HIP1: variants seen among roughly 807,000 people sequenced by gnomAD.
The protein encoded by HIP1 is huntingtin interacting protein 1.
In HIP1, 65 loss-of-function variants were observed where a neutral mutation model predicts 147.6. The observed-to-expected ratio is 0.44, with a 90% CI of 0.36 to 0.54. The LOEUF (loss-of-function observed/expected upper bound fraction) is 0.54, where lower values mean the gene tolerates loss of function less well. HIP1 is among the 20% of genes least tolerant of loss of function. The pLI, the probability that HIP1 is intolerant of heterozygous loss-of-function variation, is 0.00. For synonymous variants in HIP1, 479 were observed against 504.0 expected (o/e 0.95, Z 0.67); for missense variants, 1,061 against 1,299.6 (o/e 0.82, Z 2.82).
At chr7:75,635,648 A>G (rs1798400518) in intron 1 of HIP1, among the ~76,000 whole-genome samples, 1 of 151,980 alleles carries the variant, frequency 6.6e-6, no homozygotes, top group South Asian at 2.1e-4. Flanking sequence ...CTATGCCTTA[A>G]AAGGATTATT....
chr7:75,700,582 T>C (rs1308489479), intron 1 of HIP1, among the ~76,000 whole-genome samples: 1 of 152,120 alleles, frequency 6.6e-6, no homozygotes, highest in Non-Finnish European at 1.5e-5. Context: ...GCTGGTTAAC[T>C]GACATGGAGC....
Position 75,568,256 on chromosome 7 carries a change from C to T in HIP1, c.746G>A (p.Cys249Tyr), listed in dbSNP as rs1554495947. Reference protein sequence around the residue: ...TVKLLFKLHSCLPADTLQGHR... With the variant: ...TVKLLFKLHSYLPADTLQGHR... The stretch of plus-strand genomic sequence containing the variant: ...GCCTTGCAGGGTGTCAGCTGGGAGG[C>T]CTGGAAGAAATTGGAAAGAGTGTGA... The change falls in exon 9 of 31, where the codon TGC becomes TAC. Residue 249 changes from cysteine to tyrosine, a missense_variant and splice_region_variant. Transcript: ENST00000336926. The surrounding 1 kb of genome is among the most constrained non-coding windows in gnomAD (Gnocchi z 4.1). The T allele has an allele frequency of 1.9e-6, 3 of 1,611,360 alleles. No individual in the cohort carries two copies. Among genetic ancestry groups the T allele is most frequent in the Middle Eastern group, 1.7e-4 (1 of 6,056 alleles).
chr7:75,599,375 C>G (rs587748862), intron 1 of HIP1, 128 bp from the exon 2 acceptor site: 2 of 723,448 alleles, frequency 2.8e-6, no homozygotes, highest in East Asian at 5.2e-5. Context: ...CACGGGTGGT[C>G]GGTTCCTCTG....
intron 16 of HIP1, among the ~76,000 whole-genome samples, chr7:75,557,234 T>C (rs1795044280): frequency 6.6e-6 from 1 of 151,836 alleles, no homozygotes; most frequent in Non-Finnish European, 1.5e-5. Flanking sequence ...AGATGGGGTT[T>C]CACCATATTG....
chr7:75,645,038 A>G (rs1186070066), intron 1 of HIP1, among the ~76,000 whole-genome samples: 1 of 152,120 alleles, frequency 6.6e-6, no homozygotes, highest in Non-Finnish European at 1.5e-5. Context: ...TTAGTTCAGG[A>G]CACCTGAAAG....
intron 1 of HIP1, among the ~76,000 whole-genome samples, chr7:75,689,633 C>T (rs1267333683): frequency 2.0e-5 from 3 of 152,102 alleles, no homozygotes; most frequent in Non-Finnish European, 4.4e-5. Context: ...GTTGGCTGTG[C>T]CGTGGCATTC....
intron 1 of HIP1, among the ~76,000 whole-genome samples, chr7:75,711,685 C>T (rs1054366009): frequency 2.0e-5 from 3 of 152,168 alleles, no homozygotes; most frequent in Non-Finnish European, 2.9e-5. Context: ...GAGGGGAAGC[C>T]GTCTGGCTCC....
At chr7:75,683,701 C>T (rs1003667353) in intron 1 of HIP1, among the ~76,000 whole-genome samples, 2 of 152,224 alleles carry the variant, frequency 1.3e-5, no homozygotes, top group African/African-American at 4.8e-5. Flanking sequence ...CCATCCCTCC[C>T]CATCCTTGCC....
At chr7:75,686,843 C>CTTTTTTTTT (rs55942242) in intron 1 of HIP1, among the ~76,000 whole-genome samples, 9 of 80,138 alleles carry the variant, frequency 1.1e-4, no homozygotes, top group Admixed American at 1.7e-4. Context: ...TATTTTAGTT[C>CTTTTTTTTT]TTTTTTTTTT....
intron 1 of HIP1, chr7:75,654,614 G>A (rs1032240068): frequency 6.6e-6 from 1 of 152,158 alleles, no homozygotes; most frequent in Admixed American, 6.6e-5. Context: ...AGAGGAATAC[G>A]GGGAGGTGAC....
intron 1 of HIP1, among the ~76,000 whole-genome samples, chr7:75,727,898 T>C (rs1204457902): frequency 6.6e-6 from 1 of 151,020 alleles, no homozygotes; most frequent in East Asian, 1.9e-4. Flanking sequence ...CTTTTCTAAG[T>C]CACACATATC....
intron 2 of HIP1, among the ~76,000 whole-genome samples, chr7:75,595,239 T>TTC (rs1796668107): frequency 7.2e-5 from 8 of 110,790 alleles, no homozygotes; most frequent in East Asian, 2.4e-4. Context: ...TTTCTTTCTT[T>TTC]CTTTCTTTCT....
At chr7:75,649,863 C>T (rs1181863493) in intron 1 of HIP1, among the ~76,000 whole-genome samples, 2 of 152,122 alleles carry the variant, frequency 1.3e-5, no homozygotes, top group Non-Finnish European at 2.9e-5. Flanking sequence ...TCAGCATAGG[C>T]GGAGACCTCT....
At chr7:75,646,338 C>T (rs568674331) in intron 1 of HIP1, among the ~76,000 whole-genome samples, 3 of 152,320 alleles carry the variant, frequency 2.0e-5, no homozygotes, top group East Asian at 1.9e-4. Flanking sequence ...CCACTCATCT[C>T]GGCCTCCCAA....
intron 1 of HIP1, among the ~76,000 whole-genome samples, chr7:75,706,473 C>CTTTTTTTTTTTTTTTTT (rs139655610): frequency 2.2e-5 from 3 of 138,106 alleles, no homozygotes; most frequent in Admixed American, 7.2e-5. Flanking sequence ...TATATATCTT[C>CTTTTTTTTTTTTTTTTT]TTTTTTTTTA....
At chr7:75,651,944 G>A (rs62475498) in intron 1 of HIP1, among the ~76,000 whole-genome samples, 1 of 151,828 alleles carries the variant, frequency 6.6e-6, no homozygotes, top group African/African-American at 2.4e-5. Flanking sequence ...GTGAGGCGGA[G>A]GTTGCAGTGA....
chr7:75,587,253 G>A (rs1796321272), intron 4 of HIP1, among the ~76,000 whole-genome samples: 1 of 151,934 alleles, frequency 6.6e-6, no homozygotes, highest in Admixed American at 6.6e-5. Context: ...GCTAATTTTT[G>A]TAGCTTTTAG....
intron 1 of HIP1, among the ~76,000 whole-genome samples, chr7:75,646,363 G>A (rs550563234): frequency 6.6e-6 from 1 of 152,304 alleles, no homozygotes; most frequent in South Asian, 2.1e-4. Flanking sequence ...CTGGGATTAC[G>A]AGCGTGAGCC....
chr7:75,619,547 A>G (rs1176836369), intron 1 of HIP1, among the ~76,000 whole-genome samples: 2 of 151,882 alleles, frequency 1.3e-5, no homozygotes, highest in South Asian at 2.1e-4. Flanking sequence ...GAAAAACAGT[A>G]ACAAAAAGGA....
Sources: allele counts gnomAD v4.1 joint callset (sites outside exome capture counted in the v4.1 genomes callset), GRCh38; gene constraint gnomAD v4.1.1; non-coding constraint Gnocchi (gnomAD v3.1); transcripts MANE v1.5; gene names NCBI Gene and HGNC (gene_info 2026-07-23, HGNC 2026-07-21).